The following NDUFA9 variants were observed in gnomAD, a reference collection of about 807,000 sequenced individuals.
The protein encoded by NDUFA9 is NADH dehydrogenase [ubiquinone] 1 alpha subcomplex subunit 9, mitochondrial.
A neutral mutation model predicts 45.9 loss-of-function variants in NDUFA9; 23 were observed. The ratio of observed to expected loss-of-function variants is 0.50; its 90% confidence interval spans 0.36 to 0.71. NDUFA9 has a LOEUF of 0.71. Among genes scored for constraint, NDUFA9 ranks in the 30% least tolerant of loss-of-function variants. The pLI, the probability that NDUFA9 is intolerant of heterozygous loss-of-function variation, is 0.00. For synonymous variants in NDUFA9, 176 were observed against 170.5 expected (o/e 1.03, Z -0.25); for missense variants, 466 against 488.2 (o/e 0.95, Z 0.43).
chr12:4,687,211 C>A lies in NDUFA9; in HGVS notation c.*103C>A. On this transcript the variant is annotated 3_prime_UTR_variant, in exon 11 of 11. Coordinates refer to ENST00000266544, the MANE Select transcript of NDUFA9 (RefSeq NM_005002.5). The stretch of plus-strand genomic sequence containing the variant: ...TTAGAGGATCCTGTACACAGTTCCA[C>A]TATTAAAACATTTCAGGTTGAATTC... 9.5e-7 allele frequency: 1 copy of A among 1,049,442 alleles called. No individual in the cohort carries two copies. The highest frequency in any genetic ancestry group is 1.3e-6 in the Non-Finnish European group (1 of 750,564). The allele number at this position is 1,049,442 out of a possible 1,614,324, so 65.0% of individuals were successfully genotyped here. A position where few individuals can be genotyped will look rare whatever the true frequency, so the allele number is the denominator to read the frequency against.
intron 10 of NDUFA9, 39 bp from the exon 11 acceptor site, chr12:4,686,899 A>ATGAG (rs1945989850): frequency 6.3e-7 from 1 of 1,595,732 alleles, no homozygotes; most frequent in Non-Finnish European, 8.6e-7. Flanking sequence ...GTTCTCAGCC[A>ATGAG]GTTTTCAGCA....
chr12:4,649,539 C>T (rs1591540446), intron 1 of NDUFA9, among the ~76,000 whole-genome samples: 1 of 152,074 alleles, frequency 6.6e-6, no homozygotes, highest in African/African-American at 2.4e-5. Context: ...GGAAAAAAGG[C>T]TAGTGGCGAG....
chr12:4,673,342 A>G (rs1384993440), intron 8 of NDUFA9, among the ~76,000 whole-genome samples: 1 of 152,228 alleles, frequency 6.6e-6, no homozygotes, highest in Non-Finnish European at 1.5e-5. Context: ...CTTGCCAGCA[A>G]GGAAACAAAA....
Position 4,654,338 on chromosome 12 carries a change from C to G in NDUFA9, c.96C>G (p.Pro32=), listed in dbSNP as rs764535850. ...CCACATCTGTGTGTCACGGCCCACC[C>G]TGTCGCCAGCTTCATCATGCCCTCA... The part of the protein sequence containing the change: ...AIATSVCHGP[P]CRQLHHALMP... Residue 32 remains proline, a synonymous_variant, in exon 2 of 11, where the codon CCC becomes CCG. Coordinates refer to ENST00000266544, the MANE Select transcript of NDUFA9 (RefSeq NM_005002.5). 3 of 1,614,168 alleles carry G rather than the reference C, an allele frequency of 1.9e-6. No homozygotes were observed. The highest frequency in any genetic ancestry group is 2.5e-6 in the Non-Finnish European group (3 of 1,180,004).
At chr12:4,685,015 C>T in intron 9 of NDUFA9, 3 of 618,304 alleles carry the variant, frequency 4.9e-6, no homozygotes, top group Non-Finnish European at 8.7e-6. Context: ...AGTTTAAGAT[C>T]TGTTGTTTCT....
Position 4,659,165 on chromosome 12 carries a change from T to A in NDUFA9, c.540T>A (p.Tyr180Ter). 6.2e-7 allele frequency: 1 copy of A among 1,611,454 alleles called. No individual in the cohort carries two copies. The highest frequency in any genetic ancestry group is 8.5e-7 in the Non-Finnish European group (1 of 1,178,030). Residue 180 changes from tyrosine (Y) to a stop codon, truncating the protein, a stop_gained, in exon 5 of 11, where the codon TAT becomes TAA. Coordinates refer to ENST00000266544, the MANE Select transcript of NDUFA9 (RefSeq NM_005002.5). LOFTEE classifies it high-confidence loss of function. ...CGAATATTAAAAGCTCTTCTAGATA[T>A]TTGAGAAATAAGGTAAGTAACAAAT... ...LNANIKSSSRYLRNKAVGEKV... is the reference protein window; with the variant it reads ...LNANIKSSSR
intron 6 of NDUFA9, 87 bp downstream of exon 6, chr12:4,662,722 A>T (rs1945830815): frequency 2.0e-6 from 2 of 1,013,222 alleles, no homozygotes; most frequent in Non-Finnish European, 3.0e-6. Context: ...TCTGATTGAC[A>T]GACTAAGGAT....
rs756255858 is a variant in NDUFA9, at chr12:4,662,602, G to A, written c.622G>A (p.Gly208Arg). ...AIIVKPSDIF[G>R]REDRFLNSFA... Reference sequence around the variant, plus strand: ...TATCGTAAAGCCGTCGGACATCTTTGGAAGAGAGGATAGATTCCTTAATTC... The same window carrying A: ...TATCGTAAAGCCGTCGGACATCTTTAGAAGAGAGGATAGATTCCTTAATTC... Residue 208 changes from glycine to arginine, a missense_variant, in exon 6 of 11, where the codon GGA becomes AGA. Physicochemically the swap from Gly to Arg is moderately radical, Grantham distance 125. Coordinates refer to ENST00000266544, the MANE Select transcript of NDUFA9 (RefSeq NM_005002.5). 1 of 1,613,768 alleles carries A rather than the reference G, an allele frequency of 6.2e-7. No individual in the cohort carries two copies. The highest frequency in any genetic ancestry group is 8.5e-7 in the Non-Finnish European group (1 of 1,179,820).
At chr12:4,663,646 T>G (rs1348335722) in intron 6 of NDUFA9, among the ~76,000 whole-genome samples, 1 of 152,178 alleles carries the variant, frequency 6.6e-6, no homozygotes, top group Non-Finnish European at 1.5e-5. Flanking sequence ...GATCTTGAAT[T>G]TGCCAGCCTC....
Position 4,692,468 on chromosome 12 carries a change from C to A in NDUFA9, c.*5360C>A, listed in dbSNP as rs1565575339. 6.6e-6 allele frequency: 1 copy of A among 152,232 alleles called. No individual in the cohort carries two copies. The highest frequency in any genetic ancestry group is 1.5e-5 in the Non-Finnish European group (1 of 68,070). 9.4% of individuals were successfully genotyped at this position (152,232 alleles called of 1,614,324 possible). ...TATGTGACGCTTCCTGTACAGCCTGCAGAACCATGAGCCAATTAAACCTCT... is the reference window on the plus strand; with the variant it reads ...TATGTGACGCTTCCTGTACAGCCTGAAGAACCATGAGCCAATTAAACCTCT... On this transcript the variant is annotated 3_prime_UTR_variant, in exon 11 of 11. Transcript: ENST00000266544.
intron 8 of NDUFA9, among the ~76,000 whole-genome samples, chr12:4,681,950 G>T (rs1220998443): frequency 6.6e-6 from 1 of 152,108 alleles, no homozygotes; most frequent in Non-Finnish European, 1.5e-5. Context: ...AAATGAAAAA[G>T]ACATTACGGA....
intron 8 of NDUFA9, among the ~76,000 whole-genome samples, chr12:4,673,616 CAAGATAA>C (rs1408591354): frequency 3.0e-4 from 46 of 151,546 alleles, no homozygotes; most frequent in African/African-American, 8.5e-4. Flanking sequence ...AGTGAAAAGA[CAAGATAA>C]GAGACAAAAG....
rs1303162496 is a variant in NDUFA9 at position 4,690,968 on chromosome 12, G to GT, written c.*3862dup. ...GCAGTGGGGCATGAATGAGTGGGTG[G>GT]TTATGAGTGGGAGGCAGAGTCCGTG... On this transcript the variant is annotated 3_prime_UTR_variant, in exon 11 of 11. Transcript: ENST00000266544. 6.6e-6 allele frequency: 1 copy of GT among 152,204 alleles called. No homozygotes were observed. The highest frequency in any genetic ancestry group is 2.4e-5 in the African/African-American group (1 of 41,398). 9.4% of individuals were successfully genotyped at this position (152,204 alleles called of 1,614,324 possible).
intron 3 of NDUFA9, among the ~76,000 whole-genome samples, chr12:4,655,535 TTAAA>T (rs1319660035): frequency 1.3e-5 from 2 of 152,232 alleles, no homozygotes; most frequent in African/African-American, 4.8e-5. Flanking sequence ...ATATATTAGG[TTAAA>T]TAAAATGTAT....
At chr12:4,664,089 A>G (rs1032355238) in intron 6 of NDUFA9, among the ~76,000 whole-genome samples, 4 of 152,226 alleles carry the variant, frequency 2.6e-5, no homozygotes, top group Non-Finnish European at 5.9e-5. Flanking sequence ...TTACAACAGA[A>G]TAGAAAAAGA....
Position 4,651,705 on chromosome 12 carries a change from ACT to A in NDUFA9, c.49+2533_49+2534del, listed in dbSNP as rs570931358. On this transcript the variant is annotated intron_variant, in intron 1 of 10. Coordinates refer to ENST00000266544, the MANE Select transcript of NDUFA9 (RefSeq NM_005002.5). ...TCAAGTAATTCTTCCCAGTTCATTGACTCTGCCATCTTTTGCCTGTCTTATCC... is the reference window on the plus strand; with the variant it reads ...TCAAGTAATTCTTCCCAGTTCATTGACTGCCATCTTTTGCCTGTCTTATCC... Among the ~76,000 whole-genome samples, 44 of 151,966 alleles carry A rather than the reference ACT, an allele frequency of 2.9e-4. 2 individuals are homozygous for A. The South Asian group carries it at 9.2e-3, about 32-fold the overall frequency.
chr12:4,683,230 G>A (rs950044463), intron 9 of NDUFA9, among the ~76,000 whole-genome samples: 1 of 151,476 alleles, frequency 6.6e-6, no homozygotes, highest in Non-Finnish European at 1.5e-5. Flanking sequence ...TGAGGTAACT[G>A]TTGATGGGAG....
At chr12:4,669,705 A>G (rs1450792895) in intron 7 of NDUFA9, 36 bp from the exon 8 acceptor site, 1 of 1,344,720 alleles carries the variant, frequency 7.4e-7, no homozygotes, top group Admixed American at 1.7e-5. Flanking sequence ...TCTCTTTTTC[A>G]ACAATTACTT....
intron 6 of NDUFA9, among the ~76,000 whole-genome samples, chr12:4,663,938 A>G (rs1405303835): frequency 6.6e-6 from 1 of 152,222 alleles, no homozygotes; most frequent in Admixed American, 6.5e-5. Context: ...GGTGATCCAT[A>G]TAATAAAATG....
Sources: allele counts gnomAD v4.1 joint callset (sites outside exome capture counted in the v4.1 genomes callset), GRCh38; gene constraint gnomAD v4.1.1; transcripts MANE v1.5; gene names NCBI Gene and HGNC (gene_info 2026-07-23, HGNC 2026-07-21).